The following ABHD18 variants were observed in gnomAD, a reference collection of about 807,000 sequenced individuals.
ABHD18 encodes abhydrolase domain containing 18, also known as cardiolipin-specific deacylase, mitochondrial.
ABHD18 carries 55 observed loss-of-function variants against 65.9 expected under a neutral mutation model. The observed-to-expected ratio is 0.84, with a 90% confidence interval of 0.67 to 1.05. The LOEUF is 1.05. ABHD18 is among the 50% of genes least tolerant of loss of function. The probability of loss-of-function intolerance (pLI) is 0.00; values close to 1 mark genes in which losing one functional copy is unlikely to be tolerated. For synonymous variants in ABHD18, 181 were observed against 180.2 expected (o/e 1.00, Z -0.04); for missense variants, 533 against 558.5 (o/e 0.95, Z 0.46).
chr4:127,990,406 CACAA>C (rs946167593), intron 4 of ABHD18, among the ~76,000 whole-genome samples: 1 of 151,934 alleles, frequency 6.6e-6, no homozygotes, highest in Non-Finnish European at 1.5e-5. Context: ...CTACTGAAAA[CACAA>C]ACAATTAGCC....
intron 10 of ABHD18, among the ~76,000 whole-genome samples, chr4:128,023,435 G>T (rs1409799311): frequency 2.0e-5 from 2 of 99,606 alleles, no homozygotes; most frequent in Non-Finnish European, 4.1e-5. Context: ...AAAAAAAAAA[G>T]CTGGGCATGG....
At chr4:127,981,767 A>G (rs894459928) in intron 1 of ABHD18, among the ~76,000 whole-genome samples, 6 of 152,216 alleles carry the variant, frequency 3.9e-5, no homozygotes, top group Non-Finnish European at 5.9e-5. Context: ...AAAACCCCAC[A>G]TTTATCAAAG....
At chr4:127,971,717 C>T (rs960718662) in intron 1 of ABHD18, among the ~76,000 whole-genome samples, 1 of 152,052 alleles carries the variant, frequency 6.6e-6, no homozygotes, top group African/African-American at 2.4e-5. Context: ...GTCTCAATCT[C>T]CTGACCTCGT....
At chr4:127,981,083 A>C (rs1239660412) in intron 1 of ABHD18, among the ~76,000 whole-genome samples, 1 of 152,190 alleles carries the variant, frequency 6.6e-6, no homozygotes, top group Non-Finnish European at 1.5e-5. Flanking sequence ...GATTTTAATG[A>C]GATTTGCAAT....
At chr4:128,017,562 C>G in intron 8 of ABHD18, 61 bp downstream of exon 8, 1 of 1,434,378 alleles carries the variant, frequency 7.0e-7, no homozygotes, top group Non-Finnish European at 9.3e-7. Flanking sequence ...TCTAGAGAAC[C>G]TGGTTATTTT....
chr4:128,024,972 G>A (rs1013671452), intron 10 of ABHD18, among the ~76,000 whole-genome samples: 2 of 151,946 alleles, frequency 1.3e-5, no homozygotes, highest in African/African-American at 2.4e-5. Flanking sequence ...TATTACAGGC[G>A]TGAGCCACTG....
In ABHD18 at chr4:127,989,753, T is replaced by G; in HGVS notation, c.210T>G (p.Asp70Glu). 1 of 1,601,922 alleles carries G rather than the reference T, an allele frequency of 6.2e-7. No individual in the cohort carries two copies. Among genetic ancestry groups the G allele is most frequent in the Non-Finnish European group, 8.5e-7 (1 of 1,174,054 alleles). ...AGCAATCAGATTGTAAGATCTTAGA[T>G]GGACACTTTGTTTCCCCCATGGCTC... Reference protein sequence around the residue: ...IEEQSDCKILDGHFVSPMAHY... With the variant: ...IEEQSDCKILEGHFVSPMAHY... The change falls in exon 4 of 13, where the codon GAT becomes GAG. Residue 70 changes from aspartate (D) to glutamate (E), a missense_variant. By Grantham distance (45) the Asp-to-Glu change is conservative (BLOSUM62 2). Around this residue, in one of 3 missense-constraint regions of ABHD18, gnomAD observed 309 missense variants for 313.5 expected, o/e 0.99. Coordinates refer to ENST00000645843, the MANE Select transcript of ABHD18 (RefSeq NM_001358451.3).
At chr4:127,994,161 G>C (rs1011386115) in intron 4 of ABHD18, among the ~76,000 whole-genome samples, 7 of 152,124 alleles carry the variant, frequency 4.6e-5, no homozygotes, top group African/African-American at 1.4e-4. Context: ...TAAGATCTGT[G>C]GTGACAGGTT....
chr4:128,035,936 G>T lies in ABHD18; in HGVS notation c.*123G>T. ...ATCTAATCGCTATCAATTTGGTCTGGAATTCATTGTTACACATCAGTTAAC... is the reference window on the plus strand; with the variant it reads ...ATCTAATCGCTATCAATTTGGTCTGTAATTCATTGTTACACATCAGTTAAC... On this transcript the variant is annotated 3_prime_UTR_variant, in exon 13 of 13. Transcript: ENST00000645843. 2.0e-6 allele frequency: 1 copy of T among 489,832 alleles called. No homozygotes were observed. Among genetic ancestry groups the T allele is most frequent in the South Asian group, 5.0e-5 (1 of 20,022 alleles). The allele number at this position is 489,832 out of a possible 1,614,324, so 30.3% of individuals were successfully genotyped here.
chr4:128,025,850 AG>A (rs893178476), intron 10 of ABHD18, among the ~76,000 whole-genome samples: 2 of 152,274 alleles, frequency 1.3e-5, no homozygotes, highest in African/African-American at 4.8e-5. Context: ...AAGTTGAGCA[AG>A]TTTTTATAAG....
chr4:128,008,683 G>A (rs1253550840), intron 4 of ABHD18, among the ~76,000 whole-genome samples: 1 of 151,958 alleles, frequency 6.6e-6, no homozygotes, highest in Non-Finnish European at 1.5e-5. Context: ...TAAAGAATAG[G>A]GACAATAAAT....
At chr4:127,969,280 C>A (rs1439780790) in intron 1 of ABHD18, among the ~76,000 whole-genome samples, 4 of 150,762 alleles carry the variant, frequency 2.7e-5, no homozygotes, top group Non-Finnish European at 1.5e-5. Context: ...CAGCTCACTG[C>A]AACCTCCACC....
chr4:127,980,822 T>C (rs1748895856), intron 1 of ABHD18, among the ~76,000 whole-genome samples: 2 of 106,702 alleles, frequency 1.9e-5, no homozygotes, highest in South Asian at 6.3e-4. Flanking sequence ...CAAGACTGCA[T>C]CTCAAAAAAA....
intron 3 of ABHD18, among the ~76,000 whole-genome samples, chr4:127,986,044 C>G (rs1749888860): frequency 6.6e-6 from 1 of 152,082 alleles, no homozygotes; most frequent in African/African-American, 2.4e-5. Flanking sequence ...AAAATTCACC[C>G]TTTTACAATA....
At chr4:127,991,021 A>T (rs183747397) in intron 4 of ABHD18, among the ~76,000 whole-genome samples, 1 of 151,836 alleles carries the variant, frequency 6.6e-6, no homozygotes, top group African/African-American at 2.4e-5. Context: ...GTGCCACCAT[A>T]CCCGGCTAAT....
chr4:127,972,234 AAAGCTCCACC>A (rs1171294094), intron 1 of ABHD18, among the ~76,000 whole-genome samples: 1 of 152,170 alleles, frequency 6.6e-6, no homozygotes, highest in Non-Finnish European at 1.5e-5. Context: ...CATCAACTAG[AAAGCTCCACC>A]AAGGTTTAGT....
chr4:127,977,809 A>T (rs1291491471), intron 1 of ABHD18, among the ~76,000 whole-genome samples: 1 of 152,222 alleles, frequency 6.6e-6, no homozygotes, highest in Non-Finnish European at 1.5e-5. Flanking sequence ...GCATCTAAGT[A>T]GAAAACACAA....
intron 1 of ABHD18, among the ~76,000 whole-genome samples, chr4:127,973,817 CAAAAAAAAAAAA>C (rs57170719): frequency 6.0e-5 from 1 of 16,610 alleles, no homozygotes; most frequent in Admixed American, 7.4e-4. Flanking sequence ...TGATGAACAG[CAAAAAAAAAAAA>C]AAAAAAAAAA....
intron 4 of ABHD18, among the ~76,000 whole-genome samples, chr4:128,004,885 G>A (rs1394580261): frequency 1.3e-5 from 2 of 150,528 alleles, no homozygotes; most frequent in African/African-American, 4.9e-5. Context: ...ACTCCAGCCT[G>A]GGCGACAGAA....
Sources: gnomAD v4.1 joint callset for allele counts (sites outside exome capture counted in the v4.1 genomes callset) on GRCh38, gnomAD v4.1.1 for gene constraint, gnomAD v4.1.1 regional missense constraint, MANE v1.5 for transcripts, NCBI Gene and HGNC (gene_info 2026-07-23, HGNC 2026-07-21) for gene names.